The following STK32B variants were observed in gnomAD, a reference collection of about 807,000 sequenced individuals.
STK32B encodes serine/threonine-protein kinase 32B.
In STK32B, 43 loss-of-function variants were observed where a neutral mutation model predicts 52.6. The observed-to-expected ratio is 0.82, with a 90% CI of 0.64 to 1.05. The LOEUF is 1.05. Among genes scored for constraint, STK32B ranks in the 50% least tolerant of loss-of-function variants. The probability of loss-of-function intolerance (pLI) is 0.00; values close to 1 mark genes in which losing one functional copy is unlikely to be tolerated. For missense variants in STK32B, 621 were observed against 534.6 expected (o/e 1.16, Z -1.59); for synonymous variants, 238 against 204.3 (o/e 1.17, Z -1.41).
intron 4 of STK32B, among the ~76,000 whole-genome samples, chr4:5,348,299 G>A (rs1242294846): frequency 2.6e-5 from 4 of 152,186 alleles, no homozygotes; most frequent in African/African-American, 4.8e-5. Context: ...CAGAGAGGGA[G>A]TCCATTCTGT....
rs548535206 is a variant in STK32B at position 5,462,377 on chromosome 4, C to T, written c.909+2149C>T. Among the ~76,000 whole-genome samples, 11 of 151,638 alleles carry T rather than the reference C, an allele frequency of 7.3e-5. No homozygotes were observed. The South Asian group carries it at 2.3e-3, about 32-fold the overall frequency. The stretch of plus-strand genomic sequence containing the variant: ...GTGTGTGCCTATATGTCTGTGTGTG[C>T]CTGTGCATCTGTGTGTGTGTGTGCA... On this transcript the variant is annotated intron_variant, in intron 9 of 11. Transcript: ENST00000282908.
chr4:5,208,280 G>A (rs1722702434), intron 3 of STK32B, among the ~76,000 whole-genome samples: 1 of 152,174 alleles, frequency 6.6e-6, no homozygotes, highest in East Asian at 1.9e-4. Context: ...CAGGGAGTCA[G>A]AAAATAAATT....
chr4:5,043,243 A>G, the STK32B span, among the ~76,000 whole-genome samples: 1 of 152,068 alleles, frequency 6.6e-6, no homozygotes, highest in Non-Finnish European at 1.5e-5. Context: ...TTCGATTCCA[A>G]ATGTTCATTG....
At chr4:5,032,867 G>A in the STK32B span, among the ~76,000 whole-genome samples, 6 of 152,056 alleles carry the variant, frequency 3.9e-5, no homozygotes, top group Non-Finnish European at 8.8e-5. Context: ...TTGATTTAAA[G>A]GTTTAAACTC....
At chr4:5,285,455 C>T (rs528228382) in intron 3 of STK32B, among the ~76,000 whole-genome samples, 1 of 152,114 alleles carries the variant, frequency 6.6e-6, no homozygotes, top group East Asian at 1.9e-4. Context: ...TGATGAAAAG[C>T]ATGAAGATAG....
chr4:5,280,634 C>T (rs991732983), intron 3 of STK32B, among the ~76,000 whole-genome samples: 4 of 152,162 alleles, frequency 2.6e-5, no homozygotes, highest in South Asian at 2.1e-4. Context: ...GTGGCTTATG[C>T]CTGTAATTCT....
intron 4 of STK32B, among the ~76,000 whole-genome samples, chr4:5,338,539 G>C (rs1732858224): frequency 6.6e-6 from 1 of 152,116 alleles, no homozygotes; most frequent in Non-Finnish European, 1.5e-5. Context: ...GAGTGCAATA[G>C]ATAGATGATC....
At chr4:5,454,038 C>T (rs1716271077) in intron 7 of STK32B, among the ~76,000 whole-genome samples, 1 of 152,174 alleles carries the variant, frequency 6.6e-6, no homozygotes, top group Admixed American at 6.5e-5. Context: ...CCAGCAGCCC[C>T]ATAGATTCCC....
intron 11 of STK32B, among the ~76,000 whole-genome samples, chr4:5,494,549 T>C (rs570399046): frequency 3.9e-4 from 59 of 152,342 alleles, no homozygotes; most frequent in African/African-American, 1.3e-3. Flanking sequence ...TCTGTGTCTT[T>C]TAATTGGAGC....
At chr4:5,279,119 C>T (rs562296343) in intron 3 of STK32B, among the ~76,000 whole-genome samples, 39 of 152,302 alleles carry the variant, frequency 2.6e-4, no homozygotes, top group African/African-American at 9.4e-4. Flanking sequence ...CGACAGTCCC[C>T]GAAAGTCTTA....
chr4:5,130,676 G>T (rs62290470), intron 1 of STK32B, among the ~76,000 whole-genome samples: 3 of 151,980 alleles, frequency 2.0e-5, no homozygotes, highest in Non-Finnish European at 4.4e-5. Flanking sequence ...GGTAAACAAA[G>T]GGAGGTGAGG....
At chr4:5,429,342 T>C (rs947849400) in intron 6 of STK32B, among the ~76,000 whole-genome samples, 21 of 152,158 alleles carry the variant, frequency 1.4e-4, no homozygotes, top group African/African-American at 4.8e-4. Flanking sequence ...TTCTTGTATT[T>C]GTTTCATTTG....
At position 5,254,965 on chromosome 4, in the gene STK32B, A is replaced by AATATATATATATATATATAT. The variant is rs146017036; in HGVS notation, c.261-76243_261-76242insATATATATATATATATATAT. 1.8e-4 allele frequency among the ~76,000 whole-genome samples: 26 copies of AATATATATATATATATATAT among 144,404 alleles called. 1 individual carries two copies. The highest frequency in any genetic ancestry group is 5.4e-4 in the African/African-American group (20 of 37,044). The allele number at this position is 144,404 out of a possible 152,430, so 94.7% of individuals were successfully genotyped here. On this transcript the variant is annotated intron_variant, in intron 3 of 11. Coordinates refer to ENST00000282908, the MANE Select transcript of STK32B (RefSeq NM_018401.3). ...TTATTACTAGTTGGTATCATTCACT[A>AATATATATATATATATATAT]ATATATATATATGTTTATTGAGCAT...
chr4:5,369,066 T>C (rs1735064185), intron 4 of STK32B, among the ~76,000 whole-genome samples: 1 of 152,002 alleles, frequency 6.6e-6, no homozygotes, highest in African/African-American at 2.4e-5. Context: ...TGTGACTGGG[T>C]CCTAGCCAAT....
chr4:5,490,256 G>A (rs532573703), intron 11 of STK32B, among the ~76,000 whole-genome samples: 5 of 152,098 alleles, frequency 3.3e-5, no homozygotes, highest in African/African-American at 1.2e-4. Flanking sequence ...ACAGGTGTGT[G>A]CCACCATGCC....
chr4:5,072,741 C>T (rs982928295), intron 1 of STK32B, among the ~76,000 whole-genome samples: 31 of 152,124 alleles, frequency 2.0e-4, no homozygotes, highest in Non-Finnish European at 1.8e-4. Flanking sequence ...ATAAATCTCA[C>T]TTAGGGTAAG....
chr4:5,468,202 A>T, intron 11 of STK32B, 132 bp downstream of exon 11: 1 of 848,774 alleles, frequency 1.2e-6, no homozygotes, highest in Middle Eastern at 3.3e-4. Context: ...GAGGTGAGAC[A>T]CAGGGCTCTG....
intron 1 of STK32B, among the ~76,000 whole-genome samples, chr4:5,118,363 C>G (rs11734270): frequency 0.42 from 63,848 of 152,096 alleles, 15,352 homozygotes; most frequent in Non-Finnish European, 0.56. Context: ...TCATAGTAGT[C>G]TCTTATGATC....
chr4:5,484,566 T>C (rs1044076708), intron 11 of STK32B, among the ~76,000 whole-genome samples: 1 of 152,214 alleles, frequency 6.6e-6, no homozygotes, highest in Non-Finnish European at 1.5e-5. Flanking sequence ...TCTCTTTTAA[T>C]TGGAGCATTT....
Sources: gnomAD v4.1 joint callset for allele counts (sites outside exome capture counted in the v4.1 genomes callset) on GRCh38, gnomAD v4.1.1 for gene constraint, MANE v1.5 for transcripts, NCBI Gene and HGNC (gene_info 2026-07-23, HGNC 2026-07-21) for gene names.